The following GRID2 variants were observed in gnomAD, a reference collection of about 807,000 sequenced individuals.
GRID2 encodes glutamate ionotropic receptor delta type subunit 2.
GRID2 carries 33 observed loss-of-function variants against 114.8 expected under a neutral mutation model. That is an observed-to-expected ratio of 0.29 (90% CI 0.22 to 0.38). GRID2 has a LOEUF of 0.38. GRID2 is among the 10% of genes least tolerant of loss of function. GRID2 has a pLI of 1.00. For missense variants in GRID2, 1,184 were observed against 1,257.7 expected (o/e 0.94, Z 0.89); for synonymous variants, 505 against 449.9 (o/e 1.12, Z -1.55).
At chr4:93,577,783 T>C (rs953577074) in intron 13 of GRID2, among the ~76,000 whole-genome samples, 1 of 152,198 alleles carries the variant, frequency 6.6e-6, no homozygotes, top group Non-Finnish European at 1.5e-5. Context: ...TTATAAAGCG[T>C]GCAAGTAGTT....
chr4:92,409,929 C>G (rs938136044), intron 1 of GRID2, among the ~76,000 whole-genome samples: 5 of 151,886 alleles, frequency 3.3e-5, no homozygotes, highest in African/African-American at 1.2e-4. Context: ...TTTTCTCTGT[C>G]ATCTACACTT....
At chr4:93,739,637 A>ATCC (rs1731208021) in intron 14 of GRID2, among the ~76,000 whole-genome samples, 1 of 152,180 alleles carries the variant, frequency 6.6e-6, no homozygotes, top group Non-Finnish European at 1.5e-5. Flanking sequence ...AGTTGCCACT[A>ATCC]TCCAAAAAAT....
chr4:93,153,827 C>T lies in GRID2; in HGVS notation c.735+42874C>T, dbSNP rs78324864. Among the ~76,000 whole-genome samples the T allele has an allele frequency of 1.3e-3, 203 of 152,104 alleles. 1 individual carries two copies. The East Asian group carries it at 0.022, about 17-fold the overall frequency. On this transcript the variant is annotated intron_variant, in intron 4 of 15. Transcript: ENST00000282020. Reference sequence around the variant, plus strand: ...TTAGTTCTCCTAAGATTCTTCCAGACGCAAAGTTGTTGGTTTTATTTTGGT... The same window carrying T: ...TTAGTTCTCCTAAGATTCTTCCAGATGCAAAGTTGTTGGTTTTATTTTGGT...
intron 1 of GRID2, among the ~76,000 whole-genome samples, chr4:92,410,742 A>G (rs1560613190): frequency 6.6e-6 from 1 of 151,366 alleles, no homozygotes; most frequent in African/African-American, 2.4e-5. Context: ...GGGGGCAGAT[A>G]TTTTTCAGAA....
intron 8 of GRID2, among the ~76,000 whole-genome samples, chr4:93,360,120 A>G (rs985493917): frequency 1.8e-4 from 27 of 151,870 alleles, no homozygotes; most frequent in African/African-American, 6.3e-4. Flanking sequence ...TATAGCTGCG[A>G]TAATATTTTA....
intron 2 of GRID2, among the ~76,000 whole-genome samples, chr4:92,881,145 C>T (rs1035426481): frequency 1.3e-5 from 2 of 152,178 alleles, no homozygotes; most frequent in African/African-American, 2.4e-5. Flanking sequence ...TCAGGTGATC[C>T]GCCCACATCG....
chr4:93,137,630 T>G (rs1735383728), intron 4 of GRID2, among the ~76,000 whole-genome samples: 1 of 152,182 alleles, frequency 6.6e-6, no homozygotes, highest in African/African-American at 2.4e-5. Flanking sequence ...CAATAGGACA[T>G]GCAATTTAGG....
intron 2 of GRID2, among the ~76,000 whole-genome samples, chr4:92,874,419 T>C (rs1745487158): frequency 1.3e-5 from 2 of 152,188 alleles, no homozygotes; most frequent in Admixed American, 1.3e-4. Context: ...TTAAAACAAA[T>C]ATAATATTAT....
intron 11 of GRID2, among the ~76,000 whole-genome samples, chr4:93,461,809 G>T (rs533673738): frequency 6.6e-6 from 1 of 152,200 alleles, no homozygotes; most frequent in African/African-American, 2.4e-5. Flanking sequence ...TATGTCCTCC[G>T]TTATCTCCAT....
intron 2 of GRID2, among the ~76,000 whole-genome samples, chr4:92,752,512 G>A (rs956516142): frequency 3.3e-5 from 5 of 152,134 alleles, no homozygotes; most frequent in African/African-American, 1.2e-4. Flanking sequence ...AATAATTTCT[G>A]TAGTGTTTAA....
chr4:92,923,264 T>G (rs1749516399), intron 2 of GRID2, among the ~76,000 whole-genome samples: 1 of 152,208 alleles, frequency 6.6e-6, no homozygotes, highest in African/African-American at 2.4e-5. Context: ...TTTTATCATT[T>G]TTGTTAGTGA....
chr4:93,571,887 G>A (rs2149580753), intron 13 of GRID2, among the ~76,000 whole-genome samples: 1 of 152,188 alleles, frequency 6.6e-6, no homozygotes, highest in South Asian at 2.1e-4. Flanking sequence ...TTACTCCCCA[G>A]CTCTGTTAAC....
chr4:92,803,807 T>C (rs1357462864), intron 2 of GRID2, among the ~76,000 whole-genome samples: 1 of 152,008 alleles, frequency 6.6e-6, no homozygotes, highest in African/African-American at 2.4e-5. Flanking sequence ...TGTAACAGAG[T>C]TCCACAAACT....
chr4:92,879,274 A>C (rs966537964), intron 2 of GRID2, among the ~76,000 whole-genome samples: 4 of 152,188 alleles, frequency 2.6e-5, no homozygotes, highest in Non-Finnish European at 5.9e-5. Flanking sequence ...AGACAGAGTA[A>C]ATACTGATGT....
intron 2 of GRID2, among the ~76,000 whole-genome samples, chr4:92,620,383 T>C (rs1159969092): frequency 6.6e-6 from 1 of 151,674 alleles, no homozygotes; most frequent in Non-Finnish European, 1.5e-5. Flanking sequence ...ATAGTTATTA[T>C]CAGAAGGGAA....
chr4:93,166,189 T>C (rs1228763338), intron 4 of GRID2: 1 of 152,110 alleles, frequency 6.6e-6, no homozygotes, highest in Non-Finnish European at 1.5e-5. Context: ...GAATGAAAAA[T>C]TGTAGTGGAC....
intron 7 of GRID2, among the ~76,000 whole-genome samples, chr4:93,232,111 G>A (rs1440928147): frequency 6.6e-6 from 1 of 151,984 alleles, no homozygotes; most frequent in Admixed American, 6.6e-5. Context: ...TGTTTTGACT[G>A]GAAAGTGATT....
chr4:93,233,344 T>C, intron 7 of GRID2, among the ~76,000 whole-genome samples: 1 of 150,854 alleles, frequency 6.6e-6, no homozygotes, highest in East Asian at 1.9e-4. Context: ...TATTTTTTTT[T>C]TTATTTTTTA....
At chr4:93,799,649 T>C (rs1178125726) in intron 1 of GRID2, among the ~76,000 whole-genome samples, 1 of 152,192 alleles carries the variant, frequency 6.6e-6, no homozygotes, top group African/African-American at 2.4e-5. Context: ...ATAGAGACTA[T>C]GTGGTTATCT....
Sources: gnomAD v4.1 joint callset for allele counts (sites outside exome capture counted in the v4.1 genomes callset) on GRCh38, gnomAD v4.1.1 for gene constraint, MANE v1.5 for transcripts, NCBI Gene and HGNC (gene_info 2026-07-23, HGNC 2026-07-21) for gene names.